HSD17B12: variants seen among roughly 807,000 people sequenced by gnomAD.
HSD17B12 encodes very-long-chain 3-oxoacyl-CoA reductase.
Under a neutral mutation model 39.3 loss-of-function variants are expected in HSD17B12, and 32 were observed. The ratio of observed to expected loss-of-function variants is 0.81; its 90% CI spans 0.61 to 1.09. The LOEUF (loss-of-function observed/expected upper bound fraction) is 1.09. HSD17B12 is among the 50% of genes least tolerant of loss of function. The pLI is 0.00. For missense variants in HSD17B12, 342 were observed against 382.9 expected (o/e 0.89, Z 0.89); for synonymous variants, 150 against 146.7 (o/e 1.02, Z -0.16).
the HSD17B12 span, among the ~76,000 whole-genome samples, chr11:43,603,977 A>G: frequency 1.3e-5 from 2 of 152,322 alleles, no homozygotes; most frequent in East Asian, 1.9e-4. Context: ...TTTTGTGGCC[A>G]ATATTTAAAA....
At chr11:43,764,846 T>G in intron 3 of HSD17B12, among the ~76,000 whole-genome samples, 1 of 151,714 alleles carries the variant, frequency 6.6e-6, no homozygotes, top group East Asian at 1.9e-4. Flanking sequence ...GATCTCGCTT[T>G]TTTATCTAAA....
At chr11:43,792,723 A>T (rs1196282596) in intron 3 of HSD17B12, among the ~76,000 whole-genome samples, 1 of 107,292 alleles carries the variant, frequency 9.3e-6, no homozygotes. Flanking sequence ...GAGTCTTGCT[A>T]TGTTGTCCTG....
chr11:43,579,576 G>T, the HSD17B12 span: 1 of 152,220 alleles, frequency 6.6e-6, no homozygotes, highest in Non-Finnish European at 1.5e-5. Flanking sequence ...ACTGGTAGTC[G>T]GTCGGCTCAC....
chr11:43,746,324 T>C (rs1197374290), intron 1 of HSD17B12, among the ~76,000 whole-genome samples: 3 of 152,234 alleles, frequency 2.0e-5, no homozygotes, highest in African/African-American at 7.2e-5. Context: ...TACAAAAATA[T>C]CTTCTTTATA....
intron 1 of HSD17B12, among the ~76,000 whole-genome samples, chr11:43,710,584 A>G (rs182841057): frequency 1.1e-4 from 17 of 152,288 alleles, no homozygotes; most frequent in African/African-American, 4.1e-4. Context: ...TTTATTTTAA[A>G]TAATGAATTA....
At chr11:43,558,752 G>A in the HSD17B12 span, among the ~76,000 whole-genome samples, 1 of 152,016 alleles carries the variant, frequency 6.6e-6, no homozygotes, top group Non-Finnish European at 1.5e-5. Context: ...TTTGCGCTGG[G>A]GGTGCGGGGG....
intron 1 of HSD17B12, among the ~76,000 whole-genome samples, chr11:43,746,682 T>C (rs1950415487): frequency 6.6e-6 from 1 of 152,216 alleles, no homozygotes; most frequent in Non-Finnish European, 1.5e-5. Flanking sequence ...AGTAGCATAG[T>C]TGTTTATTAT....
At chr11:43,616,985 A>G in the HSD17B12 span, among the ~76,000 whole-genome samples, 2 of 151,506 alleles carry the variant, frequency 1.3e-5, no homozygotes, top group African/African-American at 2.4e-5. Flanking sequence ...TTAAAAAAAA[A>G]AAAAAAAGAA....
intron 3 of HSD17B12, among the ~76,000 whole-genome samples, chr11:43,782,973 A>C (rs965602172): frequency 1.3e-5 from 2 of 152,206 alleles, no homozygotes; most frequent in South Asian, 4.1e-4. Context: ...TATTCTGGCC[A>C]AAAGTGCATA....
rs142566462 is a variant in HSD17B12 at position 43,715,140 on chromosome 11, C to T, written c.160+34153C>T. Among the ~76,000 whole-genome samples the T allele has an allele frequency of 6.3e-3, 953 of 152,050 alleles. 16 individuals are homozygous for T. Among genetic ancestry groups the T allele is most frequent in the African/African-American group, 0.021 (878 of 41,460 alleles). ...TTTCTTTCTCCTGCTTGATTGCCCT[C>T]GCCAGAACTTCCAACACTATGTTGA... On this transcript the variant is annotated intron_variant, in intron 1 of 10. Transcript: ENST00000278353.
intron 6 of HSD17B12, among the ~76,000 whole-genome samples, chr11:43,824,628 G>A (rs1951214946): frequency 6.6e-6 from 1 of 152,174 alleles, no homozygotes; most frequent in Non-Finnish European, 1.5e-5. Flanking sequence ...CCCTCATGAT[G>A]TAATCATTTC....
the HSD17B12 span, among the ~76,000 whole-genome samples, chr11:43,656,163 T>G: frequency 1.3e-5 from 2 of 152,214 alleles, no homozygotes; most frequent in Non-Finnish European, 2.9e-5. Context: ...AATTTATCCA[T>G]TTCTTCTAGA....
chr11:43,634,387 C>A, the HSD17B12 span, among the ~76,000 whole-genome samples: 1 of 152,140 alleles, frequency 6.6e-6, no homozygotes, highest in Non-Finnish European at 1.5e-5. Context: ...TCCACCCCCA[C>A]AAACTGCTAT....
chr11:43,595,825 A>T, the HSD17B12 span, among the ~76,000 whole-genome samples: 1 of 152,206 alleles, frequency 6.6e-6, no homozygotes, highest in Non-Finnish European at 1.5e-5. Context: ...CAGAACACAC[A>T]TACACACACA....
At chr11:43,733,740 G>A (rs1198481723) in intron 1 of HSD17B12, 4 of 604,112 alleles carry the variant, frequency 6.6e-6, no homozygotes, top group Non-Finnish European at 1.2e-5. Context: ...AGGTGTGAGA[G>A]GGCCCAGCAG....
intron 1 of HSD17B12, among the ~76,000 whole-genome samples, chr11:43,703,280 C>T (rs557932068): frequency 4.0e-5 from 6 of 151,802 alleles, no homozygotes; most frequent in African/African-American, 7.2e-5. Flanking sequence ...CTGCAAGCTC[C>T]GCCTCCCGGG....
chr11:43,767,908 C>A (rs1013305351), intron 3 of HSD17B12, among the ~76,000 whole-genome samples: 3 of 152,194 alleles, frequency 2.0e-5, no homozygotes, highest in Admixed American at 2.0e-4. Flanking sequence ...GATGTAAATA[C>A]ATTTAACTTT....
chr11:43,628,820 TA>T, the HSD17B12 span, among the ~76,000 whole-genome samples: 1 of 151,848 alleles, frequency 6.6e-6, no homozygotes, highest in African/African-American at 2.4e-5. Flanking sequence ...TTATAAAAAA[TA>T]ATTTTTCAAA....
intron 5 of HSD17B12, 95 bp downstream of exon 5, chr11:43,815,596 G>C (rs72894447): frequency 1.2e-5 from 8 of 692,938 alleles, no homozygotes; most frequent in South Asian, 2.5e-5. Context: ...AGCTGCCTGT[G>C]GTTCACACGC....
Sources: gnomAD v4.1 joint callset for allele counts (sites outside exome capture counted in the v4.1 genomes callset) on GRCh38, gnomAD v4.1.1 for gene constraint, MANE v1.5 for transcripts, NCBI Gene and HGNC (gene_info 2026-07-23, HGNC 2026-07-21) for gene names.